CNTN5: variants seen among roughly 807,000 people sequenced by gnomAD.
CNTN5 encodes contactin-5.
In CNTN5, 77 loss-of-function variants were observed where a neutral mutation model predicts 129.1. That is an observed-to-expected ratio of 0.60 (90% CI 0.50 to 0.72). The LOEUF (loss-of-function observed/expected upper bound fraction) is 0.72. Ranked by LOEUF, CNTN5 falls within the 30% of genes least tolerant of loss-of-function variation. The pLI, the probability that CNTN5 is intolerant of heterozygous loss-of-function variation, is 0.00. For synonymous variants in CNTN5, 509 were observed against 465.6 expected (o/e 1.09, Z -1.20); for missense variants, 1,478 against 1,328.8 (o/e 1.11, Z -1.75).
intron 2 of CNTN5, among the ~76,000 whole-genome samples, chr11:99,408,428 AAAAGAAAGAAAGAAAGAAAGAG>A (rs535817538): frequency 0.033 from 3,039 of 93,484 alleles, 75 homozygotes; most frequent in South Asian, 0.055. Context: ...GAAGGAAAGA[AAAAGAAAGAAAGAAAGAAAGAG>A]AAAGAAAGAA....
At chr11:99,827,562 C>T (rs1236473650) in intron 4 of CNTN5, among the ~76,000 whole-genome samples, 3 of 152,056 alleles carry the variant, frequency 2.0e-5, no homozygotes, top group Non-Finnish European at 4.4e-5. Context: ...AGAGTAAATT[C>T]CAGAAGAAAC....
intron 16 of CNTN5, among the ~76,000 whole-genome samples, chr11:100,255,242 C>T (rs1320788087): frequency 6.6e-6 from 1 of 152,118 alleles, no homozygotes; most frequent in Non-Finnish European, 1.5e-5. Flanking sequence ...ATTTCAGAAC[C>T]TTTTGCACCT....
At chr11:99,450,302 A>G (rs1944249780) in intron 2 of CNTN5, among the ~76,000 whole-genome samples, 1 of 150,566 alleles carries the variant, frequency 6.6e-6, no homozygotes. Context: ...GTATGTATGT[A>G]TATGTATACA....
chr11:99,148,992 A>G (rs896867472), intron 1 of CNTN5, among the ~76,000 whole-genome samples: 4 of 152,006 alleles, frequency 2.6e-5, no homozygotes, highest in African/African-American at 9.7e-5. Flanking sequence ...AGTAAGTTAC[A>G]CTTGACTTTT....
chr11:99,586,572 A>G (rs192111663), intron 3 of CNTN5, among the ~76,000 whole-genome samples: 2 of 152,334 alleles, frequency 1.3e-5, no homozygotes, highest in African/African-American at 4.8e-5. Context: ...ATAAATTAGT[A>G]CAATACCTGA....
intron 20 of CNTN5, among the ~76,000 whole-genome samples, chr11:100,302,054 A>C (rs1951234176): frequency 6.6e-6 from 1 of 151,504 alleles, no homozygotes; most frequent in South Asian, 2.1e-4. Context: ...AAAAATAATA[A>C]TAATAATAAG....
At chr11:100,312,999 T>A (rs1951500545) in intron 21 of CNTN5, among the ~76,000 whole-genome samples, 1 of 152,088 alleles carries the variant, frequency 6.6e-6, no homozygotes, top group African/African-American at 2.4e-5. Flanking sequence ...CAAACCTGGT[T>A]CCTGTGAGAA....
intron 13 of CNTN5, among the ~76,000 whole-genome samples, chr11:100,148,192 C>G (rs1173304656): frequency 6.6e-6 from 1 of 152,136 alleles, no homozygotes; most frequent in Non-Finnish European, 1.5e-5. Flanking sequence ...CACTCTATCT[C>G]TGCAGCTTTG....
chr11:99,290,773 A>G (rs566990624), intron 1 of CNTN5, among the ~76,000 whole-genome samples: 1 of 151,844 alleles, frequency 6.6e-6, no homozygotes, highest in Non-Finnish European at 1.5e-5. Flanking sequence ...TATATTTCAT[A>G]TTTAATTTCC....
Position 99,307,063 on chromosome 11 carries a change from T to C in CNTN5, c.-209-18283T>C, listed in dbSNP as rs555740263. ...GAGATAATAAGTATACAGATTCGTT[T>C]TGATCCCTAATGAAATATGAAAAGA... On this transcript the variant is annotated intron_variant, in intron 1 of 24. Coordinates refer to ENST00000524871, the MANE Select transcript of CNTN5 (RefSeq NM_014361.4). Among the ~76,000 whole-genome samples, 7 of 152,264 alleles carry C rather than the reference T, an allele frequency of 4.6e-5. No individual in the cohort carries two copies. The East Asian group carries it at 1.2e-3, about 25-fold the overall frequency.
intron 1 of CNTN5, among the ~76,000 whole-genome samples, chr11:99,284,047 A>G (rs1863816677): frequency 1.3e-5 from 2 of 152,130 alleles, no homozygotes; most frequent in African/African-American, 4.8e-5. Context: ...AAATCAATGT[A>G]TCTATGTACT....
intron 2 of CNTN5, among the ~76,000 whole-genome samples, chr11:99,433,295 G>A (rs80078390): frequency 0.014 from 2,170 of 151,698 alleles, 28 homozygotes; most frequent in East Asian, 0.092. Context: ...TTTTGCTACT[G>A]ACTGACTGAT....
At chr11:99,452,628 C>T (rs1234938509) in intron 2 of CNTN5, among the ~76,000 whole-genome samples, 2 of 152,042 alleles carry the variant, frequency 1.3e-5, no homozygotes, top group Admixed American at 1.3e-4. Flanking sequence ...CGCCCTTGGC[C>T]TCCCAAAGTG....
intron 13 of CNTN5, among the ~76,000 whole-genome samples, chr11:100,180,488 CAG>C (rs1948108003): frequency 6.6e-6 from 1 of 151,932 alleles, no homozygotes. Context: ...CAAAATGAAT[CAG>C]AGACTTAAAC....
chr11:99,224,717 C>T (rs1018192788), intron 1 of CNTN5, among the ~76,000 whole-genome samples: 4 of 129,960 alleles, frequency 3.1e-5, no homozygotes, highest in African/African-American at 1.2e-4. Context: ...GAGTTCAGTG[C>T]CGTGATCTCG....
At chr11:99,770,252 A>G (rs1313066942) in intron 3 of CNTN5, among the ~76,000 whole-genome samples, 1 of 152,124 alleles carries the variant, frequency 6.6e-6, no homozygotes, top group Non-Finnish European at 1.5e-5. Context: ...TTTAAAAAAT[A>G]TAAAAACATT....
chr11:99,958,811 A>G (rs540953154), intron 8 of CNTN5, among the ~76,000 whole-genome samples: 1 of 152,282 alleles, frequency 6.6e-6, no homozygotes, highest in South Asian at 2.1e-4. Context: ...TTGGCTAACA[A>G]TTAATTCCAT....
At chr11:99,519,657 T>C (rs118167777) in intron 2 of CNTN5, among the ~76,000 whole-genome samples, 2 of 152,244 alleles carry the variant, frequency 1.3e-5, no homozygotes, top group East Asian at 3.9e-4. Context: ...TATTAATAGA[T>C]AATGCTCAGT....
At chr11:99,531,981 T>A (rs1381292315) in intron 2 of CNTN5, among the ~76,000 whole-genome samples, 2 of 152,074 alleles carry the variant, frequency 1.3e-5, no homozygotes, top group Non-Finnish European at 2.9e-5. Flanking sequence ...GGGGCACTGC[T>A]TAGTGGAGCT....
Sources: gnomAD v4.1 joint callset for allele counts (sites outside exome capture counted in the v4.1 genomes callset) on GRCh38, gnomAD v4.1.1 for gene constraint, MANE v1.5 for transcripts, NCBI Gene and HGNC (gene_info 2026-07-23, HGNC 2026-07-21) for gene names.